CCSER1: variants seen among roughly 807,000 people sequenced by gnomAD.
CCSER1 encodes serine-rich coiled-coil domain-containing protein 1.
In CCSER1, 41 loss-of-function variants were observed where a neutral mutation model predicts 82.0. The ratio of observed to expected loss-of-function variants is 0.50; its 90% CI spans 0.39 to 0.65. The LOEUF is 0.65. Among genes scored for constraint, CCSER1 ranks in the 30% least tolerant of loss-of-function variants. CCSER1 has a pLI of 0.00. For missense variants in CCSER1, 1,119 were observed against 1,064.2 expected, an observed-to-expected ratio of 1.05 and a Z score of -0.72; for synonymous variants, 414 against 383.9, an observed-to-expected ratio of 1.08 and a Z score of -0.92.
At chr4:90,694,797 G>GGGTGT (rs1553987833) in intron 6 of CCSER1, among the ~76,000 whole-genome samples, 1 of 145,364 alleles carries the variant, frequency 6.9e-6, no homozygotes, top group African/African-American at 2.5e-5. Context: ...GTGTGTGTGG[G>GGGTGT]GTGTGTGTGT....
chr4:90,595,411 A>G (rs1205859171), intron 5 of CCSER1, among the ~76,000 whole-genome samples: 1 of 152,014 alleles, frequency 6.6e-6, no homozygotes, highest in Admixed American at 6.6e-5. Flanking sequence ...AAAATTGAAC[A>G]TATTTATAAA....
chr4:90,691,705 GTTATT>G (rs1245634938), intron 6 of CCSER1, among the ~76,000 whole-genome samples: 48 of 150,608 alleles, frequency 3.2e-4, no homozygotes, highest in African/African-American at 1.0e-3. Context: ...ACACATATAT[GTTATT>G]TTATTTTACA....
chr4:90,500,809 G>A (rs910262559), intron 5 of CCSER1, among the ~76,000 whole-genome samples: 2 of 151,974 alleles, frequency 1.3e-5, no homozygotes, highest in Admixed American at 6.6e-5. Flanking sequence ...ATGTGATTTC[G>A]AAATTATGCC....
At chr4:90,142,865 T>C (rs1397233199) in intron 1 of CCSER1, among the ~76,000 whole-genome samples, 1 of 152,214 alleles carries the variant, frequency 6.6e-6, no homozygotes, top group African/African-American at 2.4e-5. Context: ...ATTGCATAGA[T>C]TTTAAATGTT....
intron 10 of CCSER1, among the ~76,000 whole-genome samples, chr4:91,180,431 G>A (rs1003727715): frequency 2.6e-5 from 4 of 152,226 alleles, no homozygotes; most frequent in Non-Finnish European, 5.9e-5. Context: ...AGGCAGGCAG[G>A]CCTTCTTGAG....
At chr4:91,219,308 CTTTT>C (rs59884169) in intron 10 of CCSER1, among the ~76,000 whole-genome samples, 3,819 of 99,890 alleles carry the variant, frequency 0.038, 86 homozygotes, top group South Asian at 0.076. Context: ...TACAGTTTGG[CTTTT>C]TTTTTTTTTT....
chr4:91,486,942 G>A (rs1758254618), intron 10 of CCSER1, among the ~76,000 whole-genome samples: 1 of 152,048 alleles, frequency 6.6e-6, no homozygotes, highest in Non-Finnish European at 1.5e-5. Flanking sequence ...TAATCATGTT[G>A]TAGTAACTGC....
intron 10 of CCSER1, among the ~76,000 whole-genome samples, chr4:91,168,292 C>A (rs1265926568): frequency 6.8e-6 from 1 of 146,716 alleles, no homozygotes; most frequent in Non-Finnish European, 1.5e-5. Context: ...TGCCCGGCCG[C>A]CCCTTCTGGG....
chr4:90,727,446 T>A (rs1159628718), intron 7 of CCSER1: 1 of 363,730 alleles, frequency 2.7e-6, no homozygotes, highest in Non-Finnish European at 5.4e-6. Flanking sequence ...ACAAAATTGA[T>A]GTTGTTAATT....
At chr4:90,293,016 T>G (rs1731211135) in intron 1 of CCSER1, among the ~76,000 whole-genome samples, 1 of 151,906 alleles carries the variant, frequency 6.6e-6, no homozygotes, top group Non-Finnish European at 1.5e-5. Context: ...ATTTTCTTCT[T>G]TACGTTCGTA....
At chr4:90,311,299 C>T (rs1293771335) in intron 2 of CCSER1, among the ~76,000 whole-genome samples, 1 of 152,062 alleles carries the variant, frequency 6.6e-6, no homozygotes, top group African/African-American at 2.4e-5. Context: ...TCCTCAAAGC[C>T]TAATTGAATA....
At chr4:91,326,129 A>G (rs950396880) in intron 10 of CCSER1, among the ~76,000 whole-genome samples, 4 of 152,222 alleles carry the variant, frequency 2.6e-5, no homozygotes, top group African/African-American at 9.6e-5. Context: ...GATTGATTAA[A>G]TTAGCACATG....
intron 1 of CCSER1, among the ~76,000 whole-genome samples, chr4:90,221,425 C>G (rs911159171): frequency 1.3e-5 from 2 of 152,082 alleles, no homozygotes; most frequent in African/African-American, 4.8e-5. Context: ...ATTTACAGAG[C>G]ACCTACCATA....
chr4:91,106,010 T>C (rs892248155), intron 10 of CCSER1, among the ~76,000 whole-genome samples: 1 of 152,240 alleles, frequency 6.6e-6, no homozygotes, highest in Non-Finnish European at 1.5e-5. Flanking sequence ...TGTATTATTA[T>C]CTGATAATCA....
chr4:90,539,479 C>T (rs1775834796), intron 5 of CCSER1, among the ~76,000 whole-genome samples: 1 of 151,982 alleles, frequency 6.6e-6, no homozygotes, highest in Non-Finnish European at 1.5e-5. Flanking sequence ...CTCATAAGAC[C>T]AAATACTGCT....
At chr4:90,498,818 A>G (rs920746992) in intron 5 of CCSER1, among the ~76,000 whole-genome samples, 11 of 152,152 alleles carry the variant, frequency 7.2e-5, no homozygotes, top group African/African-American at 2.7e-4. Context: ...AAATACTTAC[A>G]AGTCTTATAT....
intron 8 of CCSER1, among the ~76,000 whole-genome samples, chr4:90,904,911 A>G (rs756937761): frequency 3.9e-5 from 6 of 151,952 alleles, no homozygotes; most frequent in Non-Finnish European, 8.8e-5. Flanking sequence ...TTCTTCGCCC[A>G]TTCATCCCAT....
At chr4:91,138,791 C>T (rs1319650520) in intron 10 of CCSER1, among the ~76,000 whole-genome samples, 1 of 150,786 alleles carries the variant, frequency 6.6e-6, no homozygotes, top group Non-Finnish European at 1.5e-5. Flanking sequence ...TGAACAGACA[C>T]TTCTCAAAAG....
chr4:90,437,344 A>G (rs777162747), intron 4 of CCSER1, among the ~76,000 whole-genome samples: 9 of 152,100 alleles, frequency 5.9e-5, no homozygotes, highest in Non-Finnish European at 1.3e-4. Context: ...ATCTATAGTG[A>G]ACAATATATT....
Sources: allele counts gnomAD v4.1 joint callset (sites outside exome capture counted in the v4.1 genomes callset), GRCh38; gene constraint gnomAD v4.1.1; transcripts MANE v1.5; gene names NCBI Gene and HGNC (gene_info 2026-07-23, HGNC 2026-07-21).